RBFOX1: variants seen among roughly 807,000 people sequenced by gnomAD.
RBFOX1 encodes the protein RNA binding fox-1 homolog 1.
A neutral mutation model predicts 57.7 loss-of-function variants in RBFOX1; 8 were observed. That is an observed-to-expected ratio of 0.14 (90% confidence interval 0.08 to 0.25). The LOEUF (loss-of-function observed/expected upper bound fraction) is 0.25. Ranked by LOEUF, RBFOX1 falls within the 10% of genes least tolerant of loss-of-function variation. The pLI is 1.00. For synonymous variants in RBFOX1, 326 were observed against 222.4 expected (o/e 1.47, Z -4.15); for missense variants, 611 against 548.5 (o/e 1.11, Z -1.14).
At chr16:5,778,312 G>T (rs557699622) in intron 3 of RBFOX1, among the ~76,000 whole-genome samples, 8 of 152,212 alleles carry the variant, frequency 5.3e-5, no homozygotes, top group African/African-American at 1.4e-4. Flanking sequence ...GAGTTTCCAT[G>T]ATCTCATCTG....
intron 5 of RBFOX1, among the ~76,000 whole-genome samples, chr16:7,560,685 C>G (rs979810524): frequency 6.6e-6 from 1 of 152,114 alleles, no homozygotes; most frequent in African/African-American, 2.4e-5. Flanking sequence ...GAGTGACTTT[C>G]TCAGTCACAC....
chr16:5,648,793 C>G (rs975836680), intron 3 of RBFOX1, among the ~76,000 whole-genome samples: 4 of 152,170 alleles, frequency 2.6e-5, no homozygotes, highest in African/African-American at 7.2e-5. Context: ...GCCAGGCACA[C>G]TGGCTCATGC....
At chr16:5,585,988 T>C (rs1040846429) in intron 2 of RBFOX1, among the ~76,000 whole-genome samples, 8 of 152,164 alleles carry the variant, frequency 5.3e-5, no homozygotes, top group African/African-American at 1.9e-4. Context: ...AGGGATGTCA[T>C]GATGAGATTA....
chr16:5,679,435 A>G (rs533011556), intron 3 of RBFOX1, among the ~76,000 whole-genome samples: 12 of 152,034 alleles, frequency 7.9e-5, no homozygotes, highest in African/African-American at 7.2e-5. Flanking sequence ...TGCTGCACCT[A>G]TCAACCCATC....
intron 1 of RBFOX1, among the ~76,000 whole-genome samples, chr16:6,220,148 G>A (rs1176100674): frequency 6.6e-6 from 1 of 151,778 alleles, no homozygotes; most frequent in Non-Finnish European, 1.5e-5. Flanking sequence ...CTCGATATAG[G>A]TATCTATATG....
rs190952485 is a variant in RBFOX1 at position 7,449,188 on chromosome 16, C to A, written c.28-68959C>A. Among the ~76,000 whole-genome samples the A allele has an allele frequency of 2.9e-3, 446 of 152,188 alleles. 2 individuals carry two copies. Among genetic ancestry groups the A allele is most frequent in the African/African-American group, 0.01 (431 of 41,520 alleles). ...AGGTGATCCACCTGCCCTAGCCTCCCAAAGTGCTGGGATTACAGGCGTGAG... is the reference window on the plus strand; with the variant it reads ...AGGTGATCCACCTGCCCTAGCCTCCAAAAGTGCTGGGATTACAGGCGTGAG... On this transcript the variant is annotated intron_variant, in intron 4 of 15. Coordinates refer to ENST00000550418, the MANE Select transcript of RBFOX1 (RefSeq NM_018723.4).
chr16:6,085,643 T>C (rs2096072898), intron 1 of RBFOX1, among the ~76,000 whole-genome samples: 1 of 139,680 alleles, frequency 7.2e-6, no homozygotes, highest in Non-Finnish European at 1.6e-5. Flanking sequence ...GAAGTAGCAG[T>C]GTGTGTTTGT....
intron 4 of RBFOX1, among the ~76,000 whole-genome samples, chr16:7,497,926 T>C (rs1288398329): frequency 6.6e-6 from 1 of 152,228 alleles, no homozygotes; most frequent in Non-Finnish European, 1.5e-5. Context: ...TGCAGAAAGC[T>C]GCCCAGTATA....
intron 4 of RBFOX1, among the ~76,000 whole-genome samples, chr16:7,242,665 G>T (rs1162100675): frequency 6.6e-6 from 1 of 152,164 alleles, no homozygotes; most frequent in Non-Finnish European, 1.5e-5. Flanking sequence ...TCCAACATCC[G>T]TGCTTCGTGA....
intron 4 of RBFOX1, among the ~76,000 whole-genome samples, chr16:7,388,042 T>TTG (rs1555819719): frequency 5.3e-5 from 8 of 152,094 alleles, no homozygotes; most frequent in Middle Eastern, 3.4e-3. Flanking sequence ...TTTTTTGTTT[T>TTG]GCTTTTTTTT....
intron 4 of RBFOX1, among the ~76,000 whole-genome samples, chr16:7,264,193 C>A (rs1053531511): frequency 6.6e-6 from 1 of 152,096 alleles, no homozygotes; most frequent in African/African-American, 2.4e-5. Flanking sequence ...AGCACTTAGC[C>A]AGTAAACTGT....
intron 2 of RBFOX1, among the ~76,000 whole-genome samples, chr16:6,452,539 A>T (rs188269043): frequency 1.3e-5 from 2 of 152,332 alleles, no homozygotes; most frequent in East Asian, 3.9e-4. Flanking sequence ...TCTGAGAAGC[A>T]TCTACCAGGG....
intron 3 of RBFOX1, among the ~76,000 whole-genome samples, chr16:7,001,398 TTGTATATGTATATGTATATGTATA>T (rs55910456): frequency 2.1e-3 from 212 of 100,894 alleles, no homozygotes; most frequent in East Asian, 0.017. Flanking sequence ...GTATGTGTAT[TTGTATATGTATATGTATATGTATA>T]TGTATATGTA....
chr16:5,936,225 G>A (rs1191180488), intron 4 of RBFOX1, among the ~76,000 whole-genome samples: 1 of 152,130 alleles, frequency 6.6e-6, no homozygotes, highest in Non-Finnish European at 1.5e-5. Flanking sequence ...CCAGGTTCAA[G>A]CGATTCTCGT....
intron 1 of RBFOX1, among the ~76,000 whole-genome samples, chr16:5,398,569 T>C (rs988778235): frequency 7.1e-6 from 1 of 139,992 alleles, no homozygotes; most frequent in African/African-American, 2.6e-5. Flanking sequence ...CATCTGTACG[T>C]GTGTGTGTGT....
chr16:6,529,764 C>T (rs2096630841), intron 2 of RBFOX1, among the ~76,000 whole-genome samples: 1 of 152,002 alleles, frequency 6.6e-6, no homozygotes, highest in Non-Finnish European at 1.5e-5. Context: ...TACAAAACGC[C>T]AAGTTGTAGT....
chr16:6,651,169 T>G (rs1262721133), intron 2 of RBFOX1, among the ~76,000 whole-genome samples: 1 of 152,188 alleles, frequency 6.6e-6, no homozygotes, highest in African/African-American at 2.4e-5. Flanking sequence ...CCCAGAGTGC[T>G]GGGATTGCAG....
intron 1 of RBFOX1, among the ~76,000 whole-genome samples, chr16:5,252,624 C>T (rs549771351): frequency 1.3e-5 from 2 of 152,292 alleles, no homozygotes; most frequent in East Asian, 3.9e-4. Flanking sequence ...CAGCACTGTC[C>T]AGCACCTGCC....
At chr16:5,914,011 G>A (rs1277904676) in intron 4 of RBFOX1, among the ~76,000 whole-genome samples, 1 of 152,234 alleles carries the variant, frequency 6.6e-6, no homozygotes, top group Non-Finnish European at 1.5e-5. Flanking sequence ...CTTGCAGTTT[G>A]CAGGATCAAG....
Sources: allele counts gnomAD v4.1 joint callset (sites outside exome capture counted in the v4.1 genomes callset), GRCh38; gene constraint gnomAD v4.1.1; transcripts MANE v1.5; gene names NCBI Gene and HGNC (gene_info 2026-07-23, HGNC 2026-07-21).